Variants in IPPK observed in about 807,000 individuals in gnomAD.
IPPK encodes the protein IPK1 homolog.
IPPK carries 22 observed loss-of-function variants against 64.6 expected under a neutral mutation model. That is an observed-to-expected ratio of 0.34 (90% CI 0.24 to 0.49). The LOEUF (loss-of-function observed/expected upper bound fraction) is 0.49, where lower values mean the gene tolerates loss of function less well. Ranked by LOEUF, IPPK falls within the 20% of genes least tolerant of loss-of-function variation. The pLI is 0.99. For missense variants in IPPK, 532 were observed against 630.7 expected (o/e 0.84, Z 1.68); for synonymous variants, 262 against 247.2 (o/e 1.06, Z -0.56).
rs1373987862 is a variant in IPPK at position 92,656,568 on chromosome 9, C to T, written c.130-17G>A. On this transcript the variant is annotated splice_polypyrimidine_tract_variant and intron_variant, in intron 2 of 12. Transcript: ENST00000287996. ...TTCCGAGGTCTGTAAGAGACAACCA[C>T]AGGACAGCCTTCGTGATGGGACCTC... The T allele has an allele frequency of 6.4e-7, 1 of 1,550,502 alleles. No individual in the cohort carries two copies. Among genetic ancestry groups the T allele is most frequent in the Non-Finnish European group, 8.9e-7 (1 of 1,122,148 alleles).
chr9:92,633,368 C>CAAA lies in IPPK; in HGVS notation c.1170+1015_1170+1017dup, dbSNP rs777862993. 5.3e-3 allele frequency among the ~76,000 whole-genome samples: 686 copies of CAAA among 129,086 alleles called. 6 individuals carry two copies. The highest frequency in any genetic ancestry group is 0.019 in the African/African-American group (665 of 35,066). The allele number at this position is 129,086 out of a possible 152,430, so 84.7% of individuals were successfully genotyped here. ...TACAGGTGGCAGAAATGTAAAATAC[C>CAAA]AAAAAAAAAAAAAAATGTTTTTTTG... On this transcript the variant is annotated intron_variant, in intron 11 of 12. Coordinates refer to ENST00000287996, the MANE Select transcript of IPPK (RefSeq NM_022755.6).
At chr9:92,618,975 C>T (rs1250971594) in intron 12 of IPPK, 1 of 269,922 alleles carries the variant, frequency 3.7e-6, no homozygotes, top group African/African-American at 2.2e-5. Flanking sequence ...ACAGAGGGGA[C>T]TGGACAAAAC....
chr9:92,637,588 T>C (rs1354455616), intron 9 of IPPK, among the ~76,000 whole-genome samples: 3 of 152,304 alleles, frequency 2.0e-5, no homozygotes, highest in African/African-American at 4.8e-5. Context: ...AGACATCCCA[T>C]TGTGGTAGGA....
Position 92,634,380 on chromosome 9 carries a change from G to T in IPPK, c.1170+6C>A. ...ACACAGCAAGTTTTTGGATGGGTCT[G>T]CCCACCTTCGTTAGCGCGAAGGCCA... On this transcript the variant is annotated splice_donor_region_variant and intron_variant, in intron 11 of 12. Transcript: ENST00000287996. 1 of 1,607,236 alleles carries T rather than the reference G, an allele frequency of 6.2e-7. No homozygotes were observed. Among genetic ancestry groups the T allele is most frequent in the East Asian group, 2.2e-5 (1 of 44,856 alleles).
At chr9:92,658,415 C>A (rs1272715459) in intron 2 of IPPK, among the ~76,000 whole-genome samples, 1 of 152,232 alleles carries the variant, frequency 6.6e-6, no homozygotes, top group Non-Finnish European at 1.5e-5. Context: ...AGGGCAGCTC[C>A]TGGCTGAGCG....
At chr9:92,654,028 C>T (rs1852320547) in intron 3 of IPPK, among the ~76,000 whole-genome samples, 1 of 152,222 alleles carries the variant, frequency 6.6e-6, no homozygotes, top group Non-Finnish European at 1.5e-5. Flanking sequence ...CCCCACCCCA[C>T]AGCACATATG....
At chr9:92,649,711 G>A in intron 4 of IPPK, 137 bp from the exon 5 acceptor site, 1 of 1,033,944 alleles carries the variant, frequency 9.7e-7, no homozygotes, top group South Asian at 1.6e-5. Flanking sequence ...GTCTCCCTGG[G>A]GATTGTGGGA....
At position 92,664,061 on chromosome 9, in the gene IPPK, C is replaced by T. The variant is rs146217627; in HGVS notation, c.82-5380G>A. Among the ~76,000 whole-genome samples, 90 of 152,296 alleles carry T rather than the reference C, an allele frequency of 5.9e-4. 5 individuals are homozygous for T. The East Asian group carries it at 0.015, about 25-fold the overall frequency. On this transcript the variant is annotated intron_variant, in intron 1 of 12. Coordinates refer to ENST00000287996, the MANE Select transcript of IPPK (RefSeq NM_022755.6). ...CTCCCTGTAGACCCTCCTTAGCTTA[C>T]CCCCGCAGCTCCAGCTCCAGCTCTG... is the stretch of plus-strand genomic sequence containing the variant.
chr9:92,619,633 T>G (rs1434204199), intron 11 of IPPK, 68 bp from the exon 12 acceptor site: 21 of 1,369,070 alleles, frequency 1.5e-5, no homozygotes, highest in Non-Finnish European at 2.1e-5. Context: ...CAACCTTCCT[T>G]CCCAGTAGCC....
chr9:92,644,394 C>CAG (rs1852108836), intron 6 of IPPK, among the ~76,000 whole-genome samples: 2 of 152,270 alleles, frequency 1.3e-5, no homozygotes, highest in South Asian at 4.1e-4. Flanking sequence ...TGAAAACCAG[C>CAG]TGCCCAGCAG....
chr9:92,652,884 T>C (rs1852296332), intron 3 of IPPK, among the ~76,000 whole-genome samples: 1 of 152,144 alleles, frequency 6.6e-6, no homozygotes, highest in African/African-American at 2.4e-5. Flanking sequence ...GCAATCAGGG[T>C]GGCCAGCTCT....
intron 11 of IPPK, among the ~76,000 whole-genome samples, chr9:92,629,981 AG>A (rs748232941): frequency 2.6e-5 from 4 of 152,190 alleles, no homozygotes; most frequent in Non-Finnish European, 4.4e-5. Context: ...AAGTCTGCCC[AG>A]GTCCTCAAAA....
intron 11 of IPPK, among the ~76,000 whole-genome samples, chr9:92,631,832 C>T (rs1214133196): frequency 6.6e-6 from 1 of 152,200 alleles, no homozygotes; most frequent in Non-Finnish European, 1.5e-5. Flanking sequence ...CCACCACAGT[C>T]AAGATACAGA....
intron 3 of IPPK, among the ~76,000 whole-genome samples, chr9:92,654,002 G>A (rs544694083): frequency 3.3e-5 from 5 of 152,270 alleles, no homozygotes; most frequent in Non-Finnish European, 4.4e-5. Context: ...ACACAAGGCC[G>A]TCACTCTGCC....
intron 1 of IPPK, among the ~76,000 whole-genome samples, chr9:92,669,021 T>C (rs1852666094): frequency 6.6e-6 from 1 of 152,234 alleles, no homozygotes; most frequent in Non-Finnish European, 1.5e-5. Context: ...CATAACTTGA[T>C]GGGTTCCTGC....
At chr9:92,662,934 A>G (rs915127804) in intron 1 of IPPK, among the ~76,000 whole-genome samples, 1 of 152,206 alleles carries the variant, frequency 6.6e-6, no homozygotes, top group Non-Finnish European at 1.5e-5. Flanking sequence ...TAATTCACCC[A>G]AGAACCCAGC....
intron 12 of IPPK, chr9:92,616,841 G>C (rs1851455328): frequency 6.6e-6 from 1 of 152,198 alleles, no homozygotes; most frequent in Non-Finnish European, 1.5e-5. Flanking sequence ...CTAAACAAGT[G>C]ACCTAAGCTC....
chr9:92,649,717 T>C (rs1852222747), intron 4 of IPPK, 143 bp from the exon 5 acceptor site: 1 of 1,007,884 alleles, frequency 9.9e-7, no homozygotes, highest in African/African-American at 1.6e-5. Flanking sequence ...CTGGGGATTG[T>C]GGGACACACA....
chr9:92,632,000 C>T (rs369752127), intron 11 of IPPK, among the ~76,000 whole-genome samples: 10 of 152,164 alleles, frequency 6.6e-5, no homozygotes, highest in Admixed American at 3.3e-4. Context: ...GATTGGTTTT[C>T]GTCACCAACA....
Sources: gnomAD v4.1 joint callset for allele counts (sites outside exome capture counted in the v4.1 genomes callset) on GRCh38, gnomAD v4.1.1 for gene constraint, MANE v1.5 for transcripts, NCBI Gene and HGNC (gene_info 2026-07-23, HGNC 2026-07-21) for gene names.